SF3B3: variants seen among roughly 807,000 people sequenced by gnomAD.
SF3B3 encodes splicing factor 3b subunit 3, also known as SAP 130.
A neutral mutation model predicts 139.2 loss-of-function variants in SF3B3; 33 were observed. That is an observed-to-expected ratio of 0.24 (90% confidence interval 0.18 to 0.32). The LOEUF (loss-of-function observed/expected upper bound fraction) is 0.32, where lower values mean the gene tolerates loss of function less well. Ranked by LOEUF, SF3B3 falls within the 10% of genes least tolerant of loss-of-function variation. The probability of loss-of-function intolerance (pLI) is 1.00; values close to 1 mark genes in which losing one functional copy is unlikely to be tolerated. For missense variants in SF3B3, 818 were observed against 1,509.4 expected, an observed-to-expected ratio of 0.54 and a Z score of 7.59; for synonymous variants, 596 against 563.6, an observed-to-expected ratio of 1.06 and a Z score of -0.81.
chr16:70,545,378 T>A (rs2050258738), intron 10 of SF3B3, among the ~76,000 whole-genome samples: 1 of 152,232 alleles, frequency 6.6e-6, no homozygotes, highest in East Asian at 1.9e-4. Flanking sequence ...AGTAGCATAA[T>A]TTTTAGTGTT....
rs565463611 is a variant in SF3B3, at chr16:70,524,923, C to T, written c.-71+995C>T. The T allele has an allele frequency of 3.6e-3, 542 of 151,960 alleles. 2 individuals carry two copies. Among genetic ancestry groups the T allele is most frequent in the South Asian group, 0.011 (53 of 4,808 alleles). The allele number at this position is 151,960 out of a possible 1,614,324, so 9.4% of individuals were successfully genotyped here. ...TCTCGATCTCCTGACCTTGATCCACCCGCCTTGGCCTCCCAAAGTGTTGGG... is the reference window on the plus strand; with the variant it reads ...TCTCGATCTCCTGACCTTGATCCACTCGCCTTGGCCTCCCAAAGTGTTGGG... On this transcript the variant is annotated intron_variant, in intron 1 of 25. Transcript: ENST00000302516.
intron 1 of SF3B3, among the ~76,000 whole-genome samples, chr16:70,526,146 C>G (rs1474100040): frequency 6.6e-6 from 1 of 151,892 alleles, no homozygotes; most frequent in African/African-American, 2.4e-5. Context: ...ACAATAAAAT[C>G]AAATATGTAT....
chr16:70,529,393 A>T, intron 3 of SF3B3, 194 bp downstream of exon 3: 2 of 573,340 alleles, frequency 3.5e-6, no homozygotes, highest in South Asian at 4.6e-5. Context: ...ATCTTAACAC[A>T]CCTTTCTACT....
intron 10 of SF3B3, among the ~76,000 whole-genome samples, chr16:70,546,871 C>T (rs977856503): frequency 6.6e-6 from 1 of 151,964 alleles, no homozygotes; most frequent in African/African-American, 2.4e-5. Flanking sequence ...ACTAAAAATA[C>T]AAAAAGATTA....
chr16:70,524,366 C>G (rs911842804), intron 1 of SF3B3, among the ~76,000 whole-genome samples: 1 of 152,186 alleles, frequency 6.6e-6, no homozygotes, highest in African/African-American at 2.4e-5. Flanking sequence ...CTTGTCTCCT[C>G]CTCTGAACCT....
In SF3B3 at chr16:70,572,230, T is replaced by C; in HGVS notation, c.*417T>C. On this transcript the variant is annotated 3_prime_UTR_variant, in exon 26 of 26. Transcript: ENST00000302516. ...CAGGCTGTGGTGGGACTGGGTAGGG[T>C]ATAGTATCACTCCTGAGTTCCACTG... 1 of 423,748 alleles carries C rather than the reference T, an allele frequency of 2.4e-6. No individual in the cohort carries two copies. The highest frequency in any genetic ancestry group is 1.7e-5 in the South Asian group (1 of 58,310). The allele number at this position is 423,748 out of a possible 1,614,324, so 26.2% of individuals were successfully genotyped here.
In SF3B3 at chr16:70,534,407, T is replaced by C. The variant is rs532943247; in HGVS notation, c.713-901T>C. Among the ~76,000 whole-genome samples the C allele has an allele frequency of 2.2e-4, 33 of 152,320 alleles. 2 individuals are homozygous for C. In the South Asian group the frequency reaches 6.8e-3, roughly 32 times the overall value. ...GACAACCTTAGAAAGATTAATTGCT[T>C]ACATTTTGGCTAATGAAATGGAGGA... is the stretch of plus-strand genomic sequence containing the variant. On this transcript the variant is annotated intron_variant, in intron 5 of 25. Coordinates refer to ENST00000302516, the MANE Select transcript of SF3B3 (RefSeq NM_012426.5).
At chr16:70,535,484 C>A in intron 6 of SF3B3, 64 bp downstream of exon 6, 1 of 855,946 alleles carries the variant, frequency 1.2e-6, no homozygotes, top group African/African-American at 1.7e-5. Context: ...AGTGTAGTCT[C>A]TTAGTTTGTT....
intron 1 of SF3B3, among the ~76,000 whole-genome samples, chr16:70,524,303 C>T (rs2151770621): frequency 6.6e-6 from 1 of 152,232 alleles, no homozygotes; most frequent in East Asian, 1.9e-4. Flanking sequence ...ATAACGGAAA[C>T]AGTCTTTAGA....
chr16:70,575,639 G>C lies in SF3B3; in HGVS notation c.*3826G>C, dbSNP rs1322616012. ...TTCTGCACCCAGAGGTTGGAGGAGA[G>C]TTTATAACCAGGCAGTCTCTGTCGC... On this transcript the variant is annotated 3_prime_UTR_variant, in exon 26 of 26. Coordinates refer to ENST00000302516, the MANE Select transcript of SF3B3 (RefSeq NM_012426.5). 3.3e-5 allele frequency: 5 copies of C among 152,294 alleles called. No homozygotes were observed. The highest frequency in any genetic ancestry group is 6.5e-5 in the Admixed American group (1 of 15,284). 9.4% of individuals were successfully genotyped at this position (152,294 alleles called of 1,614,324 possible). A position where few individuals can be genotyped will look rare whatever the true frequency, so the allele number is the denominator to read the frequency against.
At chr16:70,558,942 TA>T (rs1417656938) in intron 15 of SF3B3, among the ~76,000 whole-genome samples, 1 of 152,136 alleles carries the variant, frequency 6.6e-6, no homozygotes, top group Non-Finnish European at 1.5e-5. Flanking sequence ...GTAGCTATAG[TA>T]TCGGATATTG....
At chr16:70,532,159 GC>G (rs2050127193) in intron 4 of SF3B3, among the ~76,000 whole-genome samples, 1 of 152,092 alleles carries the variant, frequency 6.6e-6, no homozygotes, top group African/African-American at 2.4e-5. Flanking sequence ...AGGCGTGGTG[GC>G]ACATGCTTGT....
chr16:70,532,357 C>CCAAAAAAAAAAAAAAAA, intron 4 of SF3B3, 122 bp from the exon 5 acceptor site: 1 of 513,552 alleles, frequency 1.9e-6, no homozygotes. Context: ...CCTGTCTCTC[C>CCAAAAAAAAAAAAAAAA]AAAAAAAAAA....
intron 10 of SF3B3, among the ~76,000 whole-genome samples, chr16:70,546,567 G>A (rs1220086795): frequency 6.6e-6 from 1 of 152,130 alleles, no homozygotes; most frequent in African/African-American, 2.4e-5. Context: ...CAGGAGAATA[G>A]CTTGAACTGG....
chr16:70,535,165 T>C (rs566512183), intron 5 of SF3B3, 143 bp from the exon 6 acceptor site: 56 of 540,304 alleles, frequency 1.0e-4, no homozygotes, highest in Middle Eastern at 2.9e-4. Context: ...ACCATGAACA[T>C]AAGGGAGGAG....
chr16:70,553,953 A>T (rs776334573), intron 11 of SF3B3, among the ~76,000 whole-genome samples: 3 of 152,164 alleles, frequency 2.0e-5, no homozygotes, highest in African/African-American at 4.8e-5. Flanking sequence ...CCAACCCTAG[A>T]ATGAGTTAGT....
chr16:70,531,972 C>G (rs546123074), intron 4 of SF3B3, among the ~76,000 whole-genome samples: 3 of 152,068 alleles, frequency 2.0e-5, no homozygotes, highest in Non-Finnish European at 4.4e-5. Context: ...AGCCTGAGGC[C>G]CAGGAATTCT....
rs922805790 is a variant in SF3B3, at chr16:70,573,931, T to G, written c.*2118T>G. The G allele has an allele frequency of 1.3e-5, 2 of 152,236 alleles. No homozygotes were observed. The highest frequency in any genetic ancestry group is 2.9e-5 in the Non-Finnish European group (2 of 68,044). The allele number at this position is 152,236 out of a possible 1,614,324, so 9.4% of individuals were successfully genotyped here. On this transcript the variant is annotated 3_prime_UTR_variant, in exon 26 of 26. Coordinates refer to ENST00000302516, the MANE Select transcript of SF3B3 (RefSeq NM_012426.5). ...CCTTTGGAAGATCTCTTGCCAAGAATAGCATTCCTTTGGAGGAGGGGGGTT... is the reference window on the plus strand; with the variant it reads ...CCTTTGGAAGATCTCTTGCCAAGAAGAGCATTCCTTTGGAGGAGGGGGGTT...
At position 70,572,418 on chromosome 16, in the gene SF3B3, C is replaced by G. The variant is rs2151796770; in HGVS notation, c.*605C>G. On this transcript the variant is annotated 3_prime_UTR_variant, in exon 26 of 26. Coordinates refer to ENST00000302516, the MANE Select transcript of SF3B3 (RefSeq NM_012426.5). Reference sequence around the variant, plus strand: ...CAGATACCGACTTGGACTTGCGGCACTCTGTGGCTCCCCACCCCCAGGTCT... The same window carrying G: ...CAGATACCGACTTGGACTTGCGGCAGTCTGTGGCTCCCCACCCCCAGGTCT... The G allele has an allele frequency of 5.1e-6, 1 of 194,918 alleles. No homozygotes were observed. Among genetic ancestry groups the G allele is most frequent in the Non-Finnish European group, 1.0e-5 (1 of 95,414 alleles). 12.1% of individuals were successfully genotyped at this position (194,918 alleles called of 1,614,324 possible). A position where few individuals can be genotyped will look rare whatever the true frequency, so the allele number is the denominator to read the frequency against.
Sources: gnomAD v4.1 joint callset for allele counts (sites outside exome capture counted in the v4.1 genomes callset) on GRCh38, gnomAD v4.1.1 for gene constraint, MANE v1.5 for transcripts, NCBI Gene and HGNC (gene_info 2026-07-23, HGNC 2026-07-21) for gene names.